OR51B5: variants seen among roughly 807,000 people sequenced by gnomAD.
OR51B5 encodes olfactory receptor family 51 subfamily B member 5.
For missense variants in OR51B5, 456 were observed against 374.6 expected (o/e 1.22, Z -1.79); for synonymous variants, 186 against 144.8 (o/e 1.28, Z -2.04).
rs539116740 is a variant in OR51B5, at chr11:5,480,237, C to A, written n.84+25332G>T. On this transcript the variant is annotated intron_variant and non_coding_transcript_variant, in intron 1 of 4. Coordinates refer to the OR51B5 transcript ENST00000415970. ...ACCACTCAACTACATGGAAACTGAACAACCTGCTCCTGAATGACTACTGGA... is the reference window on the plus strand; with the variant it reads ...ACCACTCAACTACATGGAAACTGAAAAACCTGCTCCTGAATGACTACTGGA... 1.4e-3 allele frequency among the ~76,000 whole-genome samples: 216 copies of A among 150,426 alleles called. 3 individuals are homozygous for A. Among genetic ancestry groups the A allele is most frequent in the Middle Eastern group, 0.01 (3 of 290 alleles).
chr11:5,453,811 C>G (rs898935254), intron 1 of OR51B5: 2 of 1,614,200 alleles, frequency 1.2e-6, no homozygotes, highest in Non-Finnish European at 1.7e-6. Flanking sequence ...CACTTCTTCT[C>G]CATGATGGAA....
At chr11:5,475,372 G>T (rs1339025253) in intron 1 of OR51B5, among the ~76,000 whole-genome samples, 1 of 152,010 alleles carries the variant, frequency 6.6e-6, no homozygotes, top group Non-Finnish European at 1.5e-5. Flanking sequence ...CCTCCTTTCA[G>T]TTCCTCGAAG....
At chr11:5,481,800 G>A (rs1309757589) in intron 1 of OR51B5, among the ~76,000 whole-genome samples, 1 of 134,812 alleles carries the variant, frequency 7.4e-6, no homozygotes, top group African/African-American at 3.1e-5. Context: ...ACTTACAAGG[G>A]ATGTGAAGGA....
chr11:5,454,589 G>A lies in OR51B5; in HGVS notation n.84+50980C>T, dbSNP rs1185724790. 15 of 585,610 alleles carry A rather than the reference G, an allele frequency of 2.6e-5. 1 individual carries two copies. The highest frequency in any genetic ancestry group is 2.3e-4 in the South Asian group (10 of 43,450). 36.3% of individuals were successfully genotyped at this position (585,610 alleles called of 1,614,324 possible). ...TAACACAAAACAAGGAGTTCCAAAT[G>A]AATAGTACATTCACTAAATACCAAC... On this transcript the variant is annotated intron_variant and non_coding_transcript_variant, in intron 1 of 4. Coordinates refer to the OR51B5 transcript ENST00000415970.
In OR51B5 at chr11:5,414,211, A is replaced by G. The variant is rs1348194328; in HGVS notation, n.85-67301T>C. 2.6e-5 allele frequency among the ~76,000 whole-genome samples: 4 copies of G among 151,822 alleles called. No homozygotes were observed. In the East Asian group the frequency reaches 7.7e-4, roughly 29 times the overall value. ...TTCATAAGTGAAGGAGAAATAAAAT[A>G]CTTTACAGACAAGCAAATGCTGAGA... On this transcript the variant is annotated intron_variant and non_coding_transcript_variant, in intron 1 of 4. Transcript: ENST00000415970.
At chr11:5,413,735 A>G (rs2133752888) in intron 1 of OR51B5, among the ~76,000 whole-genome samples, 1 of 152,268 alleles carries the variant, frequency 6.6e-6, no homozygotes, top group African/African-American at 2.4e-5. Flanking sequence ...TTTAGAGAAA[A>G]AAGAATAAAA....
intron 1 of OR51B5, among the ~76,000 whole-genome samples, chr11:5,387,701 G>C (rs1481861305): frequency 7.0e-6 from 1 of 143,676 alleles, no homozygotes; most frequent in Non-Finnish European, 1.5e-5. Flanking sequence ...TCTGCTTCAG[G>C]AACTTTCACT....
chr11:5,342,689 A>AAAT lies in OR51B5; in HGVS notation c.833_835dup (p.Tyr278dup), dbSNP rs762002283. On this transcript the variant is annotated inframe_insertion, in exon 1 of 1. Transcript: ENST00000300773. ...AGGATTCATTAGTGGAGGGAACAGA[A>AAAT]AATAGGCATAGCTCATAATGAGGTG... 21 of 1,613,924 alleles carry AAAT rather than the reference A, an allele frequency of 1.3e-5. No homozygotes were observed. In the Middle Eastern group the frequency reaches 6.6e-4, roughly 51 times the overall value.
In OR51B5 at chr11:5,423,060, C is replaced by T. The variant is rs139054378; in HGVS notation, n.85-76150G>A. On this transcript the variant is annotated intron_variant and non_coding_transcript_variant, in intron 1 of 4. Transcript: ENST00000415970. ...GCCAATATCTACCTGCTGGCACCCCCGGTGATGAACCCCATCATTTACAGT... is the reference window on the plus strand; with the variant it reads ...GCCAATATCTACCTGCTGGCACCCCTGGTGATGAACCCCATCATTTACAGT... 8.1e-6 allele frequency: 13 copies of T among 1,613,966 alleles called. No individual in the cohort carries two copies. The highest frequency in any genetic ancestry group is 5.3e-5 in the African/African-American group (4 of 74,868).
intron 1 of OR51B5, among the ~76,000 whole-genome samples, chr11:5,412,278 T>G (rs1190420332): frequency 1.3e-5 from 2 of 152,156 alleles, no homozygotes; most frequent in Non-Finnish European, 2.9e-5. Context: ...GCATTAACAG[T>G]GAAAGCATTA....
chr11:5,371,908 CTCTT>C (rs1049473398), intron 1 of OR51B5, among the ~76,000 whole-genome samples: 4 of 152,006 alleles, frequency 2.6e-5, no homozygotes, highest in African/African-American at 7.2e-5. Context: ...TCCCTATTTT[CTCTT>C]TCTTTCTTCC....
intron 1 of OR51B5, chr11:5,351,493 T>G: frequency 6.3e-7 from 1 of 1,592,136 alleles, no homozygotes; most frequent in Admixed American, 1.8e-5. Context: ...TATTTGCCTC[T>G]TTGCAAAGCT....
intron 1 of OR51B5, chr11:5,440,858 G>C (rs1280238285): frequency 5.0e-6 from 8 of 1,613,794 alleles, no homozygotes; most frequent in South Asian, 1.1e-5. Context: ...TCAATGCGTA[G>C]GAAAGCAGGA....
At chr11:5,420,603 T>C (rs573998178) in intron 1 of OR51B5, among the ~76,000 whole-genome samples, 1 of 152,108 alleles carries the variant, frequency 6.6e-6, no homozygotes, top group East Asian at 1.9e-4. Flanking sequence ...CTTTTAAAGA[T>C]TATATCTACT....
upstream of OR51B5, among the ~76,000 whole-genome samples, chr11:5,344,897 A>AG (rs1848966574): frequency 6.6e-6 from 1 of 152,198 alleles, no homozygotes; most frequent in Admixed American, 6.5e-5. Context: ...TATACAAGAT[A>AG]GTATAGCAGT....
At chr11:5,405,129 T>C (rs1850039717) in intron 1 of OR51B5, among the ~76,000 whole-genome samples, 1 of 152,240 alleles carries the variant, frequency 6.6e-6, no homozygotes, top group Non-Finnish European at 1.5e-5. Context: ...AAAGCGTTTA[T>C]ACTTACATTT....
In OR51B5 at chr11:5,438,180, G is replaced by C. The variant is rs528964466; in HGVS notation, n.84+67389C>G. On this transcript the variant is annotated intron_variant and non_coding_transcript_variant, in intron 1 of 4. Transcript: ENST00000415970. ...ATTGGGCATAAATCTCTGGCAAGGA[G>C]AGGCAGGGCTTTGAGAAGTCATGAT... Among the ~76,000 whole-genome samples the C allele has an allele frequency of 6.6e-5, 10 of 152,248 alleles. No homozygotes were observed. The South Asian group carries it at 1.9e-3, about 28-fold the overall frequency.
At chr11:5,422,978 G>GT (rs768435170) in intron 1 of OR51B5, 7 of 1,614,116 alleles carry the variant, frequency 4.3e-6, no homozygotes, top group Non-Finnish European at 5.9e-6. Context: ...CATGGTTGGT[G>GT]TATCTATGAC....
Position 5,490,295 on chromosome 11 carries a change from G to A in OR51B5, n.84+15274C>T, listed in dbSNP as rs147525041. On this transcript the variant is annotated intron_variant and non_coding_transcript_variant, in intron 1 of 4. Transcript: ENST00000415970. ...AATGAATATAAAATGAGGAAGTTAT[G>A]TAACCTCTCTAAACGTTACTAGTAA... Among the ~76,000 whole-genome samples the A allele has an allele frequency of 6.0e-3, 911 of 152,270 alleles. 7 individuals carry two copies. The highest frequency in any genetic ancestry group is 0.021 in the African/African-American group (863 of 41,552).
Sources: allele counts gnomAD v4.1 joint callset (sites outside exome capture counted in the v4.1 genomes callset), GRCh38; gene constraint gnomAD v4.1.1; transcripts MANE v1.5; gene names NCBI Gene and HGNC (gene_info 2026-07-23, HGNC 2026-07-21).